SEZ6L: variants seen among roughly 807,000 people sequenced by gnomAD.
The protein encoded by SEZ6L is seizure related 6 homolog like.
A neutral mutation model predicts 106.2 loss-of-function variants in SEZ6L; 37 were observed. The observed-to-expected ratio is 0.35, with a 90% CI of 0.27 to 0.46. The LOEUF (loss-of-function observed/expected upper bound fraction) is 0.46. Among genes scored for constraint, SEZ6L ranks in the 20% least tolerant of loss-of-function variants. SEZ6L has a pLI of 1.00. For missense variants in SEZ6L, 1,172 were observed against 1,332.8 expected (o/e 0.88, Z 1.88); for synonymous variants, 541 against 570.4 (o/e 0.95, Z 0.73).
chr22:26,169,807 G>A, intron 1 of SEZ6L, 44 bp downstream of exon 1: 1 of 1,017,710 alleles, frequency 9.8e-7, no homozygotes, highest in Non-Finnish European at 1.3e-6. Context: ...CAAAGTTGCC[G>A]GGAGAGCGGG....
intron 1 of SEZ6L, among the ~76,000 whole-genome samples, chr22:26,200,034 A>G (rs973485669): frequency 6.6e-6 from 1 of 152,236 alleles, no homozygotes; most frequent in African/African-American, 2.4e-5. Flanking sequence ...TACGTAGTTA[A>G]GCTACTGAGC....
At chr22:26,269,576 G>A (rs773129161) in intron 1 of SEZ6L, among the ~76,000 whole-genome samples, 6 of 152,184 alleles carry the variant, frequency 3.9e-5, no homozygotes, top group African/African-American at 7.2e-5. Flanking sequence ...ACCAGCTCCC[G>A]TCCTTGCCTT....
chr22:26,256,151 G>C (rs2079811799), intron 1 of SEZ6L, among the ~76,000 whole-genome samples: 1 of 152,192 alleles, frequency 6.6e-6, no homozygotes, highest in Non-Finnish European at 1.5e-5. Context: ...GCATGAGCAA[G>C]TAGTTGGAGA....
chr22:26,249,918 G>A (rs907881732), intron 1 of SEZ6L, among the ~76,000 whole-genome samples: 1 of 152,122 alleles, frequency 6.6e-6, no homozygotes, highest in African/African-American at 2.4e-5. Context: ...TCCTGATGTA[G>A]TAGGGATGTT....
intron 10 of SEZ6L, among the ~76,000 whole-genome samples, chr22:26,342,054 T>G (rs1052137518): frequency 4.6e-5 from 7 of 152,184 alleles, no homozygotes; most frequent in Non-Finnish European, 1.0e-4. Context: ...CAATCCATGC[T>G]TCCTCATCCC....
At chr22:26,178,749 A>G (rs1939191402) in intron 1 of SEZ6L, among the ~76,000 whole-genome samples, 3 of 152,070 alleles carry the variant, frequency 2.0e-5, no homozygotes, top group Non-Finnish European at 4.4e-5. Flanking sequence ...AGTCCAAGAG[A>G]TATGGGTTCA....
At chr22:26,376,128 T>G (rs2084215216) in intron 15 of SEZ6L, among the ~76,000 whole-genome samples, 1 of 151,986 alleles carries the variant, frequency 6.6e-6, no homozygotes, top group Non-Finnish European at 1.5e-5. Flanking sequence ...GAATAGCCAC[T>G]CATTCATTCA....
At chr22:26,193,257 C>T (rs1200694324) in intron 1 of SEZ6L, among the ~76,000 whole-genome samples, 1 of 152,192 alleles carries the variant, frequency 6.6e-6, no homozygotes, top group Non-Finnish European at 1.5e-5. Flanking sequence ...CAGTTTGTCA[C>T]TGGAAAAAAT....
chr22:26,215,044 G>T (rs2078261172), intron 1 of SEZ6L, among the ~76,000 whole-genome samples: 1 of 152,192 alleles, frequency 6.6e-6, no homozygotes, highest in East Asian at 1.9e-4. Context: ...TAAGGGAGGA[G>T]AACAGAATCG....
chr22:26,245,899 T>C (rs776215249), intron 1 of SEZ6L, among the ~76,000 whole-genome samples: 2 of 152,230 alleles, frequency 1.3e-5, no homozygotes, highest in Non-Finnish European at 2.9e-5. Flanking sequence ...ATAACACCTA[T>C]GTTGCTGCTA....
At chr22:26,266,286 C>T (rs1044482719) in intron 1 of SEZ6L, among the ~76,000 whole-genome samples, 5 of 151,838 alleles carry the variant, frequency 3.3e-5, no homozygotes, top group African/African-American at 9.7e-5. Context: ...AGCAGCTGGG[C>T]ACGGTGGCTT....
chr22:26,220,775 T>A (rs908433889), intron 1 of SEZ6L, among the ~76,000 whole-genome samples: 3 of 152,186 alleles, frequency 2.0e-5, no homozygotes, highest in Non-Finnish European at 4.4e-5. Flanking sequence ...GAGCTTAGCA[T>A]GGGGTTTAGC....
At chr22:26,248,780 T>C (rs1345810566) in intron 1 of SEZ6L, among the ~76,000 whole-genome samples, 2 of 152,254 alleles carry the variant, frequency 1.3e-5, no homozygotes, top group Admixed American at 6.5e-5. Flanking sequence ...AACTCCATTT[T>C]CCTTGGAAAG....
chr22:26,181,749 C>T (rs1000946579), intron 1 of SEZ6L, among the ~76,000 whole-genome samples: 19 of 152,004 alleles, frequency 1.2e-4, no homozygotes, highest in African/African-American at 2.4e-4. Flanking sequence ...GTGGCTGGTA[C>T]GTAGCAGAAG....
chr22:26,184,243 G>T (rs1028324405), intron 1 of SEZ6L, among the ~76,000 whole-genome samples: 1 of 152,132 alleles, frequency 6.6e-6, no homozygotes, highest in Non-Finnish European at 1.5e-5. Context: ...ACAAGGCCTA[G>T]AATTCCCCCA....
intron 1 of SEZ6L, among the ~76,000 whole-genome samples, chr22:26,252,832 C>T (rs1048882255): frequency 1.3e-5 from 2 of 152,190 alleles, no homozygotes; most frequent in African/African-American, 4.8e-5. Flanking sequence ...TTGATGGGCA[C>T]CTAGGTGGAT....
intron 1 of SEZ6L, among the ~76,000 whole-genome samples, chr22:26,257,063 TG>T (rs559006669): frequency 6.6e-6 from 1 of 152,200 alleles, no homozygotes; most frequent in Non-Finnish European, 1.5e-5. Flanking sequence ...GAGATGTTTT[TG>T]ATGGTCACAA....
At chr22:26,201,963 G>C (rs1169792491) in intron 1 of SEZ6L, among the ~76,000 whole-genome samples, 2 of 152,126 alleles carry the variant, frequency 1.3e-5, no homozygotes, top group Non-Finnish European at 2.9e-5. Context: ...GCCCAGGCTG[G>C]AGTGCAGTGG....
chr22:26,173,253 C>T (rs985497017), intron 1 of SEZ6L, among the ~76,000 whole-genome samples: 18 of 152,046 alleles, frequency 1.2e-4, no homozygotes, highest in Admixed American at 1.0e-3. Context: ...GCAAACTGCT[C>T]CTATTAGTAG....
Sources: allele counts gnomAD v4.1 joint callset (sites outside exome capture counted in the v4.1 genomes callset), GRCh38; gene constraint gnomAD v4.1.1; transcripts MANE v1.5; gene names NCBI Gene and HGNC (gene_info 2026-07-23, HGNC 2026-07-21).